Variants in ATRNL1 observed in about 807,000 individuals in gnomAD.
ATRNL1 encodes attractin-like protein 1.
A neutral mutation model predicts 182.7 loss-of-function variants in ATRNL1; 95 were observed. The ratio of observed to expected loss-of-function variants is 0.52; its 90% CI spans 0.44 to 0.62. The LOEUF (loss-of-function observed/expected upper bound fraction) is 0.62, where lower values mean the gene tolerates loss of function less well. Ranked by LOEUF, ATRNL1 falls within the 20% of genes least tolerant of loss-of-function variation. The pLI is 0.00. For missense variants in ATRNL1, 1,471 were observed against 1,679.5 expected, an observed-to-expected ratio of 0.88 and a Z score of 2.17; for synonymous variants, 576 against 568.3, an observed-to-expected ratio of 1.01 and a Z score of -0.19.
At chr10:115,535,878 G>A (rs11197278) in intron 25 of ATRNL1, among the ~76,000 whole-genome samples, 89,619 of 151,740 alleles carry the variant, frequency 0.59, 28,532 homozygotes, top group Non-Finnish European at 0.73. Flanking sequence ...GTCCACTCCA[G>A]ACCCTGTTTG....
intron 5 of ATRNL1, among the ~76,000 whole-genome samples, chr10:115,159,416 T>A (rs1554882738): frequency 5.9e-5 from 9 of 151,572 alleles, no homozygotes; most frequent in Non-Finnish European, 1.3e-4. Context: ...TTATAGTATT[T>A]GAAATTATTC....
intron 3 of ATRNL1, among the ~76,000 whole-genome samples, chr10:115,125,984 A>G (rs186036504): frequency 3.3e-5 from 5 of 152,380 alleles, no homozygotes; most frequent in African/African-American, 1.2e-4. Context: ...TGTATTATAC[A>G]GGAAGTGGAA....
In ATRNL1 at chr10:115,346,540, TTATC is replaced by T. The variant is rs576885664; in HGVS notation, c.3175+12129_3175+12132del. Among the ~76,000 whole-genome samples, 48 of 152,310 alleles carry T rather than the reference TTATC, an allele frequency of 3.2e-4. No individual in the cohort carries two copies. In the South Asian group the frequency reaches 8.5e-3, roughly 27 times the overall value. Reference sequence around the variant, plus strand: ...ATCTAGTTCTTACACACATCATATTTTATCTATCTATTTATTCATTGATGGACAC... The same window carrying T: ...ATCTAGTTCTTACACACATCATATTTTATCTATTTATTCATTGATGGACAC... On this transcript the variant is annotated intron_variant, in intron 19 of 28. Coordinates refer to ENST00000355044, the MANE Select transcript of ATRNL1 (RefSeq NM_207303.4).
intron 8 of ATRNL1, among the ~76,000 whole-genome samples, chr10:115,204,555 TG>T (rs578131013): frequency 3.3e-4 from 50 of 152,258 alleles, no homozygotes; most frequent in African/African-American, 1.1e-3. Flanking sequence ...ATAGAATTAT[TG>T]TCCTTCATTC....
intron 21 of ATRNL1, among the ~76,000 whole-genome samples, chr10:115,455,965 C>A (rs1447875376): frequency 6.6e-6 from 1 of 152,030 alleles, no homozygotes; most frequent in African/African-American, 2.4e-5. Context: ...GAATGATGAT[C>A]ATTAAAAAGT....
intron 27 of ATRNL1, among the ~76,000 whole-genome samples, chr10:115,728,936 A>G (rs1947701168): frequency 6.6e-6 from 1 of 152,222 alleles, no homozygotes; most frequent in Non-Finnish European, 1.5e-5. Flanking sequence ...TCACACACAG[A>G]AAACTTAGAC....
intron 20 of ATRNL1, among the ~76,000 whole-genome samples, chr10:115,395,173 A>G (rs976736931): frequency 6.6e-5 from 10 of 152,026 alleles, no homozygotes; most frequent in African/African-American, 2.4e-4. Context: ...TCCATGTGGC[A>G]GAGGATATGA....
Position 115,376,228 on chromosome 10 carries a change from A to T in ATRNL1, c.3176-18431A>T, listed in dbSNP as rs529317980. On this transcript the variant is annotated intron_variant, in intron 19 of 28. Coordinates refer to ENST00000355044, the MANE Select transcript of ATRNL1 (RefSeq NM_207303.4). The stretch of plus-strand genomic sequence containing the variant: ...GATTTCCATTAATAGCCTAATGGAG[A>T]TTCCTTGATATGTGATGATTCTGTT... Among the ~76,000 whole-genome samples the T allele has an allele frequency of 5.3e-5, 8 of 151,976 alleles. No individual in the cohort carries two copies. The East Asian group carries it at 1.5e-3, about 29-fold the overall frequency.
chr10:115,220,155 G>A (rs909028850), intron 9 of ATRNL1, among the ~76,000 whole-genome samples: 4 of 152,148 alleles, frequency 2.6e-5, no homozygotes, highest in African/African-American at 9.7e-5. Context: ...TTGAACTGCA[G>A]TCTCTCCTAA....
chr10:115,578,274 G>C (rs1854852370), intron 26 of ATRNL1, among the ~76,000 whole-genome samples: 1 of 151,794 alleles, frequency 6.6e-6, no homozygotes, highest in African/African-American at 2.4e-5. Context: ...CATAAGATGA[G>C]TTTGGAAGTA....
intron 27 of ATRNL1, among the ~76,000 whole-genome samples, chr10:115,789,484 G>T (rs1555081166): frequency 6.6e-6 from 1 of 152,152 alleles, no homozygotes; most frequent in Non-Finnish European, 1.5e-5. Flanking sequence ...ATAGCACCCT[G>T]CGCTCCTCCC....
chr10:115,151,286 G>A (rs1387451736), intron 5 of ATRNL1, among the ~76,000 whole-genome samples: 14 of 152,182 alleles, frequency 9.2e-5, no homozygotes, highest in Non-Finnish European at 1.5e-4. Flanking sequence ...AGATCCTTGA[G>A]GGATCGCCAC....
intron 27 of ATRNL1, among the ~76,000 whole-genome samples, chr10:115,754,107 T>C (rs1555071343): frequency 6.6e-6 from 1 of 152,222 alleles, no homozygotes; most frequent in Non-Finnish European, 1.5e-5. Context: ...AGAAATTTTC[T>C]CCCATTCTGT....
chr10:115,492,644 A>ATT (rs10677710), intron 24 of ATRNL1, among the ~76,000 whole-genome samples: 53,149 of 121,720 alleles, frequency 0.44, 13,187 homozygotes, highest in African/African-American at 0.51. Context: ...TACTAAAGTG[A>ATT]TTTTTTTTTT....
At chr10:115,652,830 T>G (rs1198219529) in intron 26 of ATRNL1, among the ~76,000 whole-genome samples, 4 of 152,088 alleles carry the variant, frequency 2.6e-5, no homozygotes, top group South Asian at 2.1e-4. Context: ...TATCTTATGT[T>G]TTAACTAAAT....
intron 24 of ATRNL1, among the ~76,000 whole-genome samples, chr10:115,502,435 G>T (rs1371331577): frequency 6.6e-6 from 1 of 152,062 alleles, no homozygotes; most frequent in Non-Finnish European, 1.5e-5. Flanking sequence ...CAACCAAAGT[G>T]ATAACTCAAG....
chr10:115,379,656 A>G (rs1857879122), intron 19 of ATRNL1, among the ~76,000 whole-genome samples: 1 of 152,180 alleles, frequency 6.6e-6, no homozygotes, highest in Non-Finnish European at 1.5e-5. Flanking sequence ...CATATTACTA[A>G]TATATCACGG....
chr10:115,793,721 C>G (rs1949584283), intron 27 of ATRNL1, among the ~76,000 whole-genome samples: 1 of 152,062 alleles, frequency 6.6e-6, no homozygotes, highest in Admixed American at 6.6e-5. Context: ...TACCATCACA[C>G]CTTGGACCAA....
chr10:115,560,726 A>G (rs1853654000), intron 26 of ATRNL1, among the ~76,000 whole-genome samples: 1 of 147,198 alleles, frequency 6.8e-6, no homozygotes, highest in South Asian at 2.2e-4. Context: ...TTGAAAAAGA[A>G]CAAAGCTTAC....
Sources: allele counts gnomAD v4.1 joint callset (sites outside exome capture counted in the v4.1 genomes callset), GRCh38; gene constraint gnomAD v4.1.1; transcripts MANE v1.5; gene names NCBI Gene and HGNC (gene_info 2026-07-23, HGNC 2026-07-21).